Variants in CAPN7 observed in about 807,000 individuals in gnomAD.
CAPN7 encodes the protein calpain 7.
A neutral mutation model predicts 115.2 loss-of-function variants in CAPN7; 72 were observed. That is an observed-to-expected ratio of 0.63 (90% confidence interval 0.52 to 0.76). The LOEUF (loss-of-function observed/expected upper bound fraction) is 0.76, where lower values mean the gene tolerates loss of function less well. CAPN7 is among the 30% of genes least tolerant of loss of function. CAPN7 has a pLI of 0.00. For synonymous variants in CAPN7, 344 were observed against 322.3 expected (o/e 1.07, Z -0.72); for missense variants, 905 against 971.5 (o/e 0.93, Z 0.91).
At chr3:15,241,079 C>T (rs150807023) in intron 14 of CAPN7, among the ~76,000 whole-genome samples, 1 of 152,300 alleles carries the variant, frequency 6.6e-6, no homozygotes, top group African/African-American at 2.4e-5. Flanking sequence ...GTGGCGCACA[C>T]TTGTAGTCCC....
chr3:15,236,027 T>A (rs1241009474), intron 12 of CAPN7, among the ~76,000 whole-genome samples: 1 of 152,086 alleles, frequency 6.6e-6, no homozygotes, highest in Non-Finnish European at 1.5e-5. Context: ...AAAAATTAGC[T>A]GGGCATGGTG....
chr3:15,220,658 G>T, intron 4 of CAPN7, 123 bp from the exon 5 acceptor site: 2 of 748,262 alleles, frequency 2.7e-6, no homozygotes, highest in Non-Finnish European at 4.4e-6. Context: ...TAGTATGTAA[G>T]AATTTTATAT....
Position 15,229,561 on chromosome 3 carries a change from C to CTTTT in CAPN7, c.938+527_938+530dup, listed in dbSNP as rs566957976. ...CATCAAAATTGGTTTTACTTTTTTT[C>CTTTT]TTTTTTTTTTTTTTTTTTTTTTTTT... On this transcript the variant is annotated intron_variant, in intron 8 of 20. Coordinates refer to ENST00000253693, the MANE Select transcript of CAPN7 (RefSeq NM_014296.3). Among the ~76,000 whole-genome samples, 75 of 87,874 alleles carry CTTTT rather than the reference C, an allele frequency of 8.5e-4. 1 individual carries two copies. Among genetic ancestry groups the CTTTT allele is most frequent in the African/African-American group, 2.5e-3 (60 of 24,264 alleles). The allele number at this position is 87,874 out of a possible 152,430, so 57.6% of individuals were successfully genotyped here. A position where few individuals can be genotyped will look rare whatever the true frequency, so the allele number is the denominator to read the frequency against.
intron 16 of CAPN7, among the ~76,000 whole-genome samples, chr3:15,243,420 A>C (rs1695468495): frequency 6.6e-6 from 1 of 152,098 alleles, no homozygotes; most frequent in Non-Finnish European, 1.5e-5. Context: ...AAGGGTAGAG[A>C]TACAGATAGG....
chr3:15,245,489 A>T (rs1236851670), intron 16 of CAPN7, 37 bp from the exon 17 acceptor site: 1 of 1,573,328 alleles, frequency 6.4e-7, no homozygotes, highest in Admixed American at 1.9e-5. Context: ...AAGAAAGAAA[A>T]GTCTCCTTTT....
At chr3:15,245,810 A>G (rs978903879) in intron 17 of CAPN7, 139 bp downstream of exon 17, 2 of 565,196 alleles carry the variant, frequency 3.5e-6, no homozygotes, top group African/African-American at 3.9e-5. Context: ...TATCATTTTA[A>G]TAGTAAATTA....
In CAPN7 at chr3:15,235,106, C is replaced by T; in HGVS notation, c.1368C>T (p.Pro456=). The T allele has an allele frequency of 6.2e-7, 1 of 1,613,666 alleles. No individual in the cohort carries two copies. Among genetic ancestry groups the T allele is most frequent in the Non-Finnish European group, 8.5e-7 (1 of 1,179,756 alleles). ...EAEGEKWGLV[P]THAYAVLDIR... ...AAGGAGAGAAGTGGGGTCTGGTTCC[C>T]ACACACGCATATGCTGTTTTGGATA... Residue 456 remains proline, a synonymous_variant, in exon 12 of 21, where the codon CCC becomes CCT. Transcript: ENST00000253693.
In CAPN7 at chr3:15,241,208, AAAAT is replaced by A. The variant is rs1470026498; in HGVS notation, c.1653-234_1653-231del. ...CAACAGAGCAAGACTCTGTCTCAAA[AAAAT>A]AAATAAATAACGGAATGGTTAATTT... On this transcript the variant is annotated intron_variant, in intron 14 of 20. Transcript: ENST00000253693. Among the ~76,000 whole-genome samples the A allele has an allele frequency of 9.8e-5, 15 of 152,312 alleles. No individual in the cohort carries two copies. In the East Asian group the frequency reaches 2.3e-3, roughly 23 times the overall value.
chr3:15,247,454 C>T lies in CAPN7; in HGVS notation c.2201C>T (p.Pro734Leu). 5.0e-6 allele frequency: 8 copies of T among 1,592,442 alleles called. No individual in the cohort carries two copies. The highest frequency in any genetic ancestry group is 6.8e-6 in the Non-Finnish European group (8 of 1,172,928). ...CCGTTACTGATTGAGCTACGAGGAC[C>T]AAGGTTTGTGATGAGTAACTTTCTT... is the stretch of plus-strand genomic sequence containing the variant. ...TGPLLIELRG[P>L]RQYSVGFEVV... Residue 734 changes from proline to leucine, a missense_variant, in exon 19 of 21, where the codon CCA becomes CTA. This residue lies in a region of CAPN7 where 620 missense variants were observed against 703.4 expected (regional missense o/e 0.88). Coordinates refer to ENST00000253693, the MANE Select transcript of CAPN7 (RefSeq NM_014296.3).
At chr3:15,238,849 A>ATTTTTTTTTTTTTTT (rs59838740) in intron 12 of CAPN7, among the ~76,000 whole-genome samples, 3 of 114,012 alleles carry the variant, frequency 2.6e-5, no homozygotes, top group African/African-American at 7.7e-5. Context: ...GCAAAATCAA[A>ATTTTTTTTTTTTTTT]TTTTTTTTTT....
Position 15,241,524 on chromosome 3 carries a change from A to C in CAPN7, c.1724A>C (p.Glu575Ala). The change falls in exon 15 of 21, where the codon GAG (glutamate) becomes GCG (alanine). Residue 575 changes from glutamate (E) to alanine (A), a missense_variant. Transcript: ENST00000253693. ...GCCAACAACCCCCAGTACAAACTGG[A>C]GGTGCAGTGTCCACAGGGGGGTGCT... ...SLANNPQYKL[E>A]VQCPQGGAAV... 1 of 1,613,916 alleles carries C rather than the reference A, an allele frequency of 6.2e-7. No individual in the cohort carries two copies. The highest frequency in any genetic ancestry group is 8.5e-7 in the Non-Finnish European group (1 of 1,179,776).
At chr3:15,248,674 C>A (rs1014428344) in intron 19 of CAPN7, among the ~76,000 whole-genome samples, 1 of 152,086 alleles carries the variant, frequency 6.6e-6, no homozygotes, top group Admixed American at 6.6e-5. Flanking sequence ...TGTTATATTT[C>A]ATAGTTTTAA....
At chr3:15,215,040 A>G (rs79650731) in intron 2 of CAPN7, among the ~76,000 whole-genome samples, 5 of 152,246 alleles carry the variant, frequency 3.3e-5, no homozygotes, top group African/African-American at 7.2e-5. Context: ...ACTGGGCTAG[A>G]TATTTCAACA....
intron 18 of CAPN7, 26 bp downstream of exon 18, chr3:15,246,820 C>T: frequency 6.7e-7 from 1 of 1,490,080 alleles, no homozygotes; most frequent in Non-Finnish European, 9.3e-7. Flanking sequence ...TGGTTGTAAT[C>T]TCAGCATTCT....
At chr3:15,251,094 T>G (rs773254488) in intron 20 of CAPN7, 22 bp from the exon 21 acceptor site, 22 of 1,600,694 alleles carry the variant, frequency 1.4e-5, no homozygotes, top group Non-Finnish European at 8.5e-6. Context: ...ATAAACCTTA[T>G]TCTCATTTTC....
rs1404491375 is a variant in CAPN7 at position 15,218,322 on chromosome 3, T to C, written c.370-151T>C. 4.8e-6 allele frequency: 3 copies of C among 619,050 alleles called. No individual in the cohort carries two copies. The East Asian group carries it at 8.2e-5, about 17-fold the overall frequency. The allele number at this position is 619,050 out of a possible 1,614,324, so 38.3% of individuals were successfully genotyped here. ...AAATTTTCAACACTATTTTAAATGA[T>C]ACCTTTAAGGATGAGAATTAATGTC... On this transcript the variant is annotated intron_variant, in intron 3 of 20. Transcript: ENST00000253693.
intron 1 of CAPN7, among the ~76,000 whole-genome samples, chr3:15,206,841 A>G (rs1008093014): frequency 7.2e-5 from 11 of 152,232 alleles, no homozygotes; most frequent in African/African-American, 2.2e-4. Flanking sequence ...CTGACTGGCA[A>G]ATGCCCACCG....
intron 6 of CAPN7, among the ~76,000 whole-genome samples, chr3:15,225,341 G>A (rs1016338593): frequency 2.0e-5 from 3 of 152,126 alleles, no homozygotes; most frequent in African/African-American, 7.2e-5. Flanking sequence ...ATTTATCATT[G>A]TTGTTATAAT....
intron 9 of CAPN7, chr3:15,232,204 G>A: frequency 2.8e-6 from 1 of 355,330 alleles, no homozygotes; most frequent in Non-Finnish European, 5.3e-6. Flanking sequence ...AGAAGTCTTG[G>A]ATTTTGGAGC....
Sources: gnomAD v4.1 joint callset for allele counts (sites outside exome capture counted in the v4.1 genomes callset) on GRCh38, gnomAD v4.1.1 for gene constraint, gnomAD v4.1.1 regional missense constraint, MANE v1.5 for transcripts, NCBI Gene and HGNC (gene_info 2026-07-23, HGNC 2026-07-21) for gene names.